The following ZBTB7C variants were observed in gnomAD, a reference collection of about 807,000 sequenced individuals.
ZBTB7C encodes the protein zinc finger and BTB domain-containing protein 7C.
In ZBTB7C, 8 loss-of-function variants were observed where a neutral mutation model predicts 25.7. That is an observed-to-expected ratio of 0.31 (90% CI 0.18 to 0.56). The LOEUF is 0.56. Among genes scored for constraint, ZBTB7C ranks in the 20% least tolerant of loss-of-function variants. ZBTB7C has a pLI of 0.91. For missense variants in ZBTB7C, 824 were observed against 855.2 expected (o/e 0.96, Z 0.46); for synonymous variants, 394 against 369.0 (o/e 1.07, Z -0.78).
intron 1 of ZBTB7C, among the ~76,000 whole-genome samples, chr18:48,398,055 T>C (rs1267848363): frequency 6.6e-6 from 1 of 152,234 alleles, no homozygotes; most frequent in Non-Finnish European, 1.5e-5. Flanking sequence ...GTCTACACTC[T>C]GACCCTGCAG....
In ZBTB7C at chr18:48,090,420, G is replaced by A. The variant is rs574164786; in HGVS notation, c.-16-49297C>T. 3.3e-5 allele frequency among the ~76,000 whole-genome samples: 5 copies of A among 152,354 alleles called. No homozygotes were observed. In the East Asian group the frequency reaches 7.7e-4, roughly 23 times the overall value. ...AGGACACCTACAGACTTCCAGATGC[G>A]ATCCTGCACTTTCCTGAACAATTGC... On this transcript the variant is annotated intron_variant, in intron 3 of 4. Transcript: ENST00000590800.
chr18:48,026,877 A>G lies in ZBTB7C; in HGVS notation c.*2383T>C, dbSNP rs892368672. 3 of 152,060 alleles carry G rather than the reference A, an allele frequency of 2.0e-5. No individual in the cohort carries two copies. The highest frequency in any genetic ancestry group is 2.9e-5 in the Non-Finnish European group (2 of 68,014). The allele number at this position is 152,060 out of a possible 1,614,324, so 9.4% of individuals were successfully genotyped here. On this transcript the variant is annotated 3_prime_UTR_variant, in exon 5 of 5. Coordinates refer to ENST00000590800, the MANE Select transcript of ZBTB7C (RefSeq NM_001318841.2). Reference sequence around the variant, plus strand: ...ATCTCACAGAAGTGCAACTCTCAATATAATTTAATCAAGTCAATTAATACT... The same window carrying G: ...ATCTCACAGAAGTGCAACTCTCAATGTAATTTAATCAAGTCAATTAATACT...
At chr18:48,200,076 A>T (rs1599088145) in intron 2 of ZBTB7C, among the ~76,000 whole-genome samples, 1 of 151,868 alleles carries the variant, frequency 6.6e-6, no homozygotes, top group Non-Finnish European at 1.5e-5. Flanking sequence ...ACCCTTAGCC[A>T]CCCTGCCTGG....
intron 3 of ZBTB7C, among the ~76,000 whole-genome samples, chr18:48,152,839 C>T (rs141395751): frequency 8.5e-5 from 13 of 152,330 alleles, no homozygotes; most frequent in East Asian, 5.8e-4. Flanking sequence ...CTGTGCTAAG[C>T]GCTTTGCAAG....
intron 3 of ZBTB7C, among the ~76,000 whole-genome samples, chr18:48,097,109 G>A (rs141141844): frequency 1.6e-4 from 25 of 152,282 alleles, no homozygotes; most frequent in Non-Finnish European, 3.1e-4. Context: ...CTCACATAGG[G>A]TTCCCCTAGT....
At chr18:48,197,452 C>A (rs1051506557) in intron 2 of ZBTB7C, among the ~76,000 whole-genome samples, 1 of 152,222 alleles carries the variant, frequency 6.6e-6, no homozygotes, top group Non-Finnish European at 1.5e-5. Flanking sequence ...CCAGAGATAA[C>A]AGCTCTCAAT....
rs577855302 is a variant in ZBTB7C, at chr18:48,039,742, C to T, written c.1208+158G>A. Among the ~76,000 whole-genome samples, 11 of 152,328 alleles carry T rather than the reference C, an allele frequency of 7.2e-5. No homozygotes were observed. The East Asian group carries it at 1.9e-3, about 27-fold the overall frequency. On this transcript the variant is annotated intron_variant, in intron 4 of 4. Transcript: ENST00000590800. ...GCCCCTAAAAAGGGCTTGAAAGTCA[C>T]AGCACCAGGTGATGCCTAGCACCCC... is the stretch of plus-strand genomic sequence containing the variant.
At chr18:48,290,978 G>A (rs1326137887) in intron 2 of ZBTB7C, among the ~76,000 whole-genome samples, 2 of 152,232 alleles carry the variant, frequency 1.3e-5, no homozygotes, top group Admixed American at 6.5e-5. Context: ...TAAAATGAGA[G>A]GCTCCTCAAG....
chr18:48,249,206 T>C (rs1254797281), intron 2 of ZBTB7C, among the ~76,000 whole-genome samples: 5 of 152,226 alleles, frequency 3.3e-5, no homozygotes, highest in African/African-American at 4.8e-5. Context: ...AATTCAGCAA[T>C]ATAGAGAAAG....
At chr18:48,348,552 C>T (rs56904778) in intron 1 of ZBTB7C, among the ~76,000 whole-genome samples, 1 of 152,178 alleles carries the variant, frequency 6.6e-6, no homozygotes, top group Non-Finnish European at 1.5e-5. Context: ...AGTGGTGGCT[C>T]ATGCCTGTAA....
At chr18:48,367,210 C>T (rs1412172233) in intron 1 of ZBTB7C, among the ~76,000 whole-genome samples, 11,947 of 62,640 alleles carry the variant, frequency 0.19, 1,356 homozygotes, top group African/African-American at 0.22. Flanking sequence ...TATACACACA[C>T]ACACACACAC....
intron 1 of ZBTB7C, among the ~76,000 whole-genome samples, chr18:48,367,372 A>ATATATAT (rs1555752154): frequency 9.5e-5 from 11 of 116,138 alleles, no homozygotes; most frequent in African/African-American, 2.8e-4. Context: ...ATATATATAT[A>ATATATAT]AAATACAAAC....
chr18:48,207,418 T>C (rs2145228867), intron 2 of ZBTB7C, among the ~76,000 whole-genome samples: 1 of 152,228 alleles, frequency 6.6e-6, no homozygotes, highest in Non-Finnish European at 1.5e-5. Flanking sequence ...AAAATATCCA[T>C]CAACAATAAA....
intron 1 of ZBTB7C, among the ~76,000 whole-genome samples, chr18:48,359,253 C>A (rs976426372): frequency 1.3e-5 from 2 of 152,098 alleles, no homozygotes; most frequent in Non-Finnish European, 2.9e-5. Flanking sequence ...TCCTCCATCC[C>A]CCATGAGAAG....
chr18:48,093,977 T>A (rs1235116764), intron 3 of ZBTB7C, among the ~76,000 whole-genome samples: 2 of 152,086 alleles, frequency 1.3e-5, no homozygotes, highest in Admixed American at 1.3e-4. Flanking sequence ...AAGAATGGCG[T>A]GAACCCGGGA....
chr18:48,196,404 C>T (rs570371676), intron 2 of ZBTB7C, among the ~76,000 whole-genome samples: 1 of 152,296 alleles, frequency 6.6e-6, no homozygotes, highest in African/African-American at 2.4e-5. Context: ...AAATGCACCA[C>T]TCTCCCAGAG....
chr18:48,270,702 AAAAAAAT>A (rs1389204430), intron 2 of ZBTB7C, among the ~76,000 whole-genome samples: 6 of 150,676 alleles, frequency 4.0e-5, no homozygotes, highest in Non-Finnish European at 8.9e-5. Context: ...AAAAAAAAAA[AAAAAAAT>A]TTTTATATTT....
intron 2 of ZBTB7C, among the ~76,000 whole-genome samples, chr18:48,249,408 C>T (rs1378552931): frequency 1.3e-5 from 2 of 152,120 alleles, no homozygotes; most frequent in African/African-American, 4.8e-5. Context: ...CACCTCTGTA[C>T]AATGGAATAT....
chr18:48,214,527 A>G (rs2042778472), intron 2 of ZBTB7C, among the ~76,000 whole-genome samples: 1 of 152,254 alleles, frequency 6.6e-6, no homozygotes, highest in African/African-American at 2.4e-5. Context: ...GAAGCTGGTT[A>G]AAACCTACCA....
Sources: allele counts gnomAD v4.1 joint callset (sites outside exome capture counted in the v4.1 genomes callset), GRCh38; gene constraint gnomAD v4.1.1; transcripts MANE v1.5; gene names NCBI Gene and HGNC (gene_info 2026-07-23, HGNC 2026-07-21).